CAPN2: variants seen among roughly 807,000 people sequenced by gnomAD.
CAPN2 encodes calpain-2 catalytic subunit.
CAPN2 carries 92 observed loss-of-function variants against 102.3 expected under a neutral mutation model. The observed-to-expected ratio is 0.90, with a 90% CI of 0.76 to 1.07. The LOEUF (loss-of-function observed/expected upper bound fraction) is 1.07, where lower values mean the gene tolerates loss of function less well. Among genes scored for constraint, CAPN2 ranks in the 50% least tolerant of loss-of-function variants. CAPN2 has a pLI of 0.00. For synonymous variants in CAPN2, 340 were observed against 355.4 expected (o/e 0.96, Z 0.49); for missense variants, 800 against 909.4 (o/e 0.88, Z 1.55).
At position 223,756,115 on chromosome 1, in the gene CAPN2, C is replaced by G. The variant is rs1153958; in HGVS notation, c.1305+466C>G. Reference sequence around the variant, plus strand: ...GGGAACATTGGTCATGATGCTCCCCCCAGGGCTCTGATGGCTGGAGCCCAG... The same window carrying G: ...GGGAACATTGGTCATGATGCTCCCCGCAGGGCTCTGATGGCTGGAGCCCAG... On this transcript the variant is annotated intron_variant, in intron 10 of 20. Coordinates refer to ENST00000295006, the MANE Select transcript of CAPN2 (RefSeq NM_001748.5). This position sits in a 1 kb window ranked among gnomAD's most constrained non-coding sequence, Gnocchi z 4.1. Among the ~76,000 whole-genome samples, 20,342 of 152,220 alleles carry G rather than the reference C, an allele frequency of 0.13. 1,661 individuals are homozygous for G. Among genetic ancestry groups the G allele is most frequent in the African/African-American group, 0.23 (9,498 of 41,494 alleles).
intron 5 of CAPN2, among the ~76,000 whole-genome samples, chr1:223,748,055 G>A (rs537572239): frequency 6.6e-6 from 1 of 152,114 alleles, no homozygotes; most frequent in Admixed American, 6.5e-5. Context: ...GGGAGCCCCT[G>A]CCACCTGCTG....
intron 1 of CAPN2, among the ~76,000 whole-genome samples, chr1:223,706,853 G>T (rs1004655194): frequency 7.9e-5 from 12 of 152,154 alleles, no homozygotes; most frequent in Non-Finnish European, 1.5e-4. Flanking sequence ...GCCGAGATGG[G>T]TGGATCACCT....
intron 15 of CAPN2, among the ~76,000 whole-genome samples, chr1:223,765,983 A>G (rs760690092): frequency 6.6e-6 from 1 of 152,178 alleles, no homozygotes; most frequent in Non-Finnish European, 1.5e-5. Flanking sequence ...CAGTTCAAGT[A>G]AACCTCTTTC....
rs1311200545 is a variant in CAPN2 at position 223,725,359 on chromosome 1, G to T, written c.307+7528G>T. ...GATCGCACCACTGCACTCCATCCTG[G>T]GCAATAGAGCGAGACTTCATCTCAA... On this transcript the variant is annotated intron_variant, in intron 2 of 20. Transcript: ENST00000295006. This position sits in a 1 kb window ranked among gnomAD's most constrained non-coding sequence, Gnocchi z 4.1. Among the ~76,000 whole-genome samples, 4 of 151,906 alleles carry T rather than the reference G, an allele frequency of 2.6e-5. No homozygotes were observed. The highest frequency in any genetic ancestry group is 9.7e-5 in the African/African-American group (4 of 41,336).
chr1:223,767,630 A>G (rs2102815228), intron 16 of CAPN2, among the ~76,000 whole-genome samples: 1 of 150,208 alleles, frequency 6.7e-6, no homozygotes, highest in South Asian at 2.1e-4. Context: ...TGCTATTGTG[A>G]ATAATGCCGC....
intron 2 of CAPN2, among the ~76,000 whole-genome samples, chr1:223,729,810 C>A (rs1660287707): frequency 6.6e-6 from 1 of 152,048 alleles, no homozygotes; most frequent in South Asian, 2.1e-4. Flanking sequence ...CGAGCCTGGC[C>A]TGGCCAACAT....
intron 1 of CAPN2, among the ~76,000 whole-genome samples, chr1:223,703,481 C>T (rs1275339409): frequency 6.6e-6 from 1 of 152,172 alleles, no homozygotes; most frequent in Non-Finnish European, 1.5e-5. Flanking sequence ...CCAATGACAA[C>T]ACAGTAGAGG....
intron 2 of CAPN2, among the ~76,000 whole-genome samples, chr1:223,722,655 G>T (rs1347620428): frequency 6.6e-6 from 1 of 152,030 alleles, no homozygotes; most frequent in African/African-American, 2.4e-5. Context: ...AATGTTAATA[G>T]ACTTTTTTTT....
At chr1:223,769,104 CTGTT>C (rs761654058) in intron 16 of CAPN2, among the ~76,000 whole-genome samples, 41 of 152,068 alleles carry the variant, frequency 2.7e-4, no homozygotes, top group South Asian at 1.0e-3. Flanking sequence ...GAAGTTTTTT[CTGTT>C]TGTTTGTTTA....
chr1:223,730,010 C>CAAAAAAAAAAAAAAA (rs57382658), intron 2 of CAPN2, among the ~76,000 whole-genome samples: 4 of 79,030 alleles, frequency 5.1e-5, no homozygotes, highest in East Asian at 4.5e-4. Context: ...CCCAAAAAAC[C>CAAAAAAAAAAAAAAA]AAAAAAAAAA....
intron 5 of CAPN2, among the ~76,000 whole-genome samples, chr1:223,748,754 T>C (rs1311757449): frequency 6.6e-6 from 1 of 152,146 alleles, no homozygotes; most frequent in African/African-American, 2.4e-5. Context: ...CTTCCCAGCC[T>C]GCAGAAATCC....
In CAPN2 at chr1:223,755,871, C is replaced by T. The variant is rs28370097; in HGVS notation, c.1305+222C>T. ...GGGCCTTCTAAGCCCTTCACGGGCC[C>T]CCCACAGCCAGCCTGCAGGGAGTTC... is the stretch of plus-strand genomic sequence containing the variant. On this transcript the variant is annotated intron_variant, in intron 10 of 20. Coordinates refer to ENST00000295006, the MANE Select transcript of CAPN2 (RefSeq NM_001748.5). The surrounding 1 kb of genome is among the most constrained non-coding windows in gnomAD (Gnocchi z 4.1). 6.6e-3 allele frequency among the ~76,000 whole-genome samples: 1,004 copies of T among 152,350 alleles called. 4 individuals are homozygous for T. Among genetic ancestry groups the T allele is most frequent in the Non-Finnish European group, 0.011 (742 of 68,026 alleles).
intron 20 of CAPN2, chr1:223,772,757 C>G (rs993487917): frequency 5.2e-5 from 8 of 153,490 alleles, no homozygotes; most frequent in African/African-American, 1.4e-4. Context: ...GTCTGGAACC[C>G]TAGCAATACA....
intron 2 of CAPN2, among the ~76,000 whole-genome samples, chr1:223,734,548 A>C (rs1368462457): frequency 6.6e-6 from 1 of 151,992 alleles, no homozygotes; most frequent in Non-Finnish European, 1.5e-5. Context: ...CAGACACCTT[A>C]TGCACTGCTT....
intron 15 of CAPN2, among the ~76,000 whole-genome samples, chr1:223,765,290 A>G (rs1019510941): frequency 2.0e-5 from 3 of 152,204 alleles, no homozygotes; most frequent in African/African-American, 7.2e-5. Context: ...CTTCCCTCCC[A>G]GTGTGAACCA....
At chr1:223,728,120 C>T (rs1453201776) in intron 2 of CAPN2, among the ~76,000 whole-genome samples, 6 of 152,108 alleles carry the variant, frequency 3.9e-5, no homozygotes, top group African/African-American at 1.4e-4. Flanking sequence ...TTTTGTCACA[C>T]CTGTATCTAG....
chr1:223,762,640 AAC>A (rs1661217237), intron 14 of CAPN2, among the ~76,000 whole-genome samples: 2 of 152,216 alleles, frequency 1.3e-5, no homozygotes, highest in African/African-American at 4.8e-5. Flanking sequence ...GGCCACCTGC[AAC>A]AGAGTGTTTG....
At chr1:223,749,289 C>T in intron 6 of CAPN2, 167 bp downstream of exon 6, 2 of 621,570 alleles carry the variant, frequency 3.2e-6, no homozygotes, top group Non-Finnish European at 5.6e-6. Context: ...GTCCCTTTCG[C>T]AGCTCGGGCG....
Position 223,755,432 on chromosome 1 carries a change from A to G in CAPN2, c.1136-48A>G, listed in dbSNP as rs775881708. 61 of 1,600,862 alleles carry G rather than the reference A, an allele frequency of 3.8e-5. No homozygotes were observed. Among genetic ancestry groups the G allele is most frequent in the Non-Finnish European group, 5.0e-5 (58 of 1,171,052 alleles). On this transcript the variant is annotated intron_variant, in intron 9 of 20. Coordinates refer to ENST00000295006, the MANE Select transcript of CAPN2 (RefSeq NM_001748.5). This position sits in a 1 kb window ranked among gnomAD's most constrained non-coding sequence, Gnocchi z 4.1. ...GAGACCAGGGCCACCCCCCACCCCC[A>G]TGCATTCCTGCTCAGGGCTGGGCTC...
Sources: allele counts gnomAD v4.1 joint callset (sites outside exome capture counted in the v4.1 genomes callset), GRCh38; gene constraint gnomAD v4.1.1; non-coding constraint Gnocchi (gnomAD v3.1); transcripts MANE v1.5; gene names NCBI Gene and HGNC (gene_info 2026-07-23, HGNC 2026-07-21).